Variants in NEBL observed in about 807,000 individuals in gnomAD.
The protein encoded by NEBL is LIM and SH3 protein 2.
Under a neutral mutation model 140.2 loss-of-function variants are expected in NEBL, and 122 were observed. The observed-to-expected ratio is 0.87, with a 90% confidence interval of 0.75 to 1.01. The LOEUF (loss-of-function observed/expected upper bound fraction) is 1.01. NEBL is among the 50% of genes least tolerant of loss of function. The pLI, the probability that NEBL is intolerant of heterozygous loss-of-function variation, is 0.00. For missense variants in NEBL, 1,365 were observed against 1,231.3 expected, an observed-to-expected ratio of 1.11 and a Z score of -1.62; for synonymous variants, 436 against 398.9, an observed-to-expected ratio of 1.09 and a Z score of -1.11.
intron 2 of NEBL, among the ~76,000 whole-genome samples, chr10:21,098,651 G>A (rs1264339919): frequency 6.6e-6 from 1 of 152,050 alleles, no homozygotes; most frequent in Non-Finnish European, 1.5e-5. Context: ...TTCATTTGGT[G>A]TCCTACAAGA....
chr10:21,085,647 T>C (rs1324407981), intron 2 of NEBL, among the ~76,000 whole-genome samples: 1 of 152,084 alleles, frequency 6.6e-6, no homozygotes, highest in Non-Finnish European at 1.5e-5. Context: ...AAAATTAAAA[T>C]TAAAATTAGA....
At chr10:20,909,060 A>T (rs1848219571) in intron 4 of NEBL, among the ~76,000 whole-genome samples, 1 of 151,936 alleles carries the variant, frequency 6.6e-6, no homozygotes, top group Non-Finnish European at 1.5e-5. Context: ...GGTACATGAA[A>T]TGTTTTGATC....
At chr10:21,011,655 TTGGCATCTG>T (rs1297016839) in intron 3 of NEBL, among the ~76,000 whole-genome samples, 2 of 140,088 alleles carry the variant, frequency 1.4e-5, no homozygotes, top group Non-Finnish European at 3.0e-5. Flanking sequence ...CTGGCATCTG[TTGGCATCTG>T]TGGCATCTGT....
upstream of NEBL, among the ~76,000 whole-genome samples, chr10:20,900,043 T>C (rs1405806997): frequency 6.6e-6 from 1 of 152,234 alleles, no homozygotes; most frequent in African/African-American, 2.4e-5. Flanking sequence ...GTGTTCCTCA[T>C]GGACAGCTAT....
At chr10:21,118,162 C>T (rs1029224341) in intron 2 of NEBL, among the ~76,000 whole-genome samples, 2 of 152,096 alleles carry the variant, frequency 1.3e-5, no homozygotes, top group East Asian at 3.9e-4. Flanking sequence ...ACTGTCTATA[C>T]CAGCTGAAGA....
At chr10:20,995,071 G>C (rs1329053814) in intron 3 of NEBL, among the ~76,000 whole-genome samples, 2 of 152,202 alleles carry the variant, frequency 1.3e-5, no homozygotes, top group Non-Finnish European at 2.9e-5. Flanking sequence ...CATCCACATT[G>C]GGTTGGAGAA....
intron 2 of NEBL, among the ~76,000 whole-genome samples, chr10:21,104,152 C>T (rs1188758445): frequency 1.3e-5 from 2 of 152,184 alleles, no homozygotes; most frequent in African/African-American, 2.4e-5. Flanking sequence ...CCACACTGTC[C>T]TGATTACCAG....
intron 4 of NEBL, among the ~76,000 whole-genome samples, chr10:20,917,893 G>T (rs1278647376): frequency 1.3e-5 from 2 of 152,070 alleles, no homozygotes; most frequent in Non-Finnish European, 2.9e-5. Context: ...ATTTAATTGT[G>T]TTAAAAGAAA....
intron 4 of NEBL, among the ~76,000 whole-genome samples, chr10:20,938,499 C>T (rs11818826): frequency 6.6e-6 from 1 of 152,158 alleles, no homozygotes; most frequent in African/African-American, 2.4e-5. Flanking sequence ...GACACCAGAG[C>T]AGAAAAGCTG....
chr10:21,049,803 G>A (rs901912108), intron 2 of NEBL, among the ~76,000 whole-genome samples: 1 of 152,176 alleles, frequency 6.6e-6, no homozygotes, highest in African/African-American at 2.4e-5. Flanking sequence ...GTGGAGAGAG[G>A]AAGGCCACTT....
intron 4 of NEBL, among the ~76,000 whole-genome samples, chr10:20,910,455 T>C (rs1166515976): frequency 1.3e-5 from 2 of 152,214 alleles, no homozygotes; most frequent in East Asian, 3.8e-4. Flanking sequence ...ATTCTGTTTT[T>C]TGGCCTGGCA....
intron 2 of NEBL, among the ~76,000 whole-genome samples, chr10:21,049,303 T>C (rs1477618732): frequency 6.6e-6 from 1 of 152,200 alleles, no homozygotes; most frequent in Non-Finnish European, 1.5e-5. Context: ...CCTATGAGGG[T>C]TGCTACCATC....
intron 4 of NEBL, 35 bp downstream of exon 4, chr10:20,888,062 C>G: frequency 7.1e-7 from 1 of 1,400,956 alleles, no homozygotes; most frequent in Non-Finnish European, 1.0e-6. Context: ...TATGTTTTAT[C>G]TACAAAATCA....
At chr10:20,852,758 G>C in intron 9 of NEBL, 109 bp from the exon 10 acceptor site, 9 of 985,282 alleles carry the variant, frequency 9.1e-6, no homozygotes, top group Non-Finnish European at 1.4e-5. Flanking sequence ...CTGCAAAGCT[G>C]TTGCCAAGTC....
chr10:20,950,499 C>G (rs999138929), intron 4 of NEBL, among the ~76,000 whole-genome samples: 3 of 152,134 alleles, frequency 2.0e-5, no homozygotes, highest in African/African-American at 7.2e-5. Flanking sequence ...ACTTTTACAT[C>G]CAACCGAGGC....
chr10:21,200,849 G>A (rs950297279), intron 3 of NEBL, among the ~76,000 whole-genome samples: 9 of 152,142 alleles, frequency 5.9e-5, no homozygotes, highest in Admixed American at 6.5e-5. Context: ...GCTCACACCT[G>A]TAATTCCAGC....
At chr10:20,836,498 C>T (rs1393434516) in intron 13 of NEBL, among the ~76,000 whole-genome samples, 1 of 152,166 alleles carries the variant, frequency 6.6e-6, no homozygotes, top group African/African-American at 2.4e-5. Flanking sequence ...GCTGGGATTA[C>T]AGGTGTGAGC....
intron 3 of NEBL, among the ~76,000 whole-genome samples, chr10:20,976,204 G>A (rs1362280069): frequency 6.6e-6 from 1 of 151,860 alleles, no homozygotes; most frequent in Admixed American, 6.6e-5. Context: ...AGCTGAGCAT[G>A]GTGGCGGGCA....
chr10:21,178,911 C>G (rs1250227781), upstream of NEBL, among the ~76,000 whole-genome samples: 1 of 152,216 alleles, frequency 6.6e-6, no homozygotes, highest in Non-Finnish European at 1.5e-5. Flanking sequence ...ACAAGACAGA[C>G]CCTTTGTGGC....
Sources: allele counts gnomAD v4.1 joint callset (sites outside exome capture counted in the v4.1 genomes callset), GRCh38; gene constraint gnomAD v4.1.1; transcripts MANE v1.5; gene names NCBI Gene and HGNC (gene_info 2026-07-23, HGNC 2026-07-21).